Variants in GLCCI1 observed in about 807,000 individuals in gnomAD.
GLCCI1 encodes glucocorticoid induced 1.
In GLCCI1, 24 loss-of-function variants were observed where a neutral mutation model predicts 52.2. The ratio of observed to expected loss-of-function variants is 0.46; its 90% confidence interval spans 0.33 to 0.65. The LOEUF (loss-of-function observed/expected upper bound fraction) is 0.65, where lower values mean the gene tolerates loss of function less well. Ranked by LOEUF, GLCCI1 falls within the 30% of genes least tolerant of loss-of-function variation. The probability of loss-of-function intolerance (pLI) is 0.02; values close to 1 mark genes in which losing one functional copy is unlikely to be tolerated. For missense variants in GLCCI1, 704 were observed against 701.5 expected (o/e 1.00, Z -0.04); for synonymous variants, 310 against 276.5 (o/e 1.12, Z -1.20).
intron 6 of GLCCI1, among the ~76,000 whole-genome samples, chr7:8,083,471 C>G (rs1783039425): frequency 1.3e-5 from 2 of 152,158 alleles, no homozygotes; most frequent in South Asian, 2.1e-4. Context: ...GCTAATTATG[C>G]TTTGTATCAA....
At chr7:7,970,195 G>T (rs942837425) in intron 1 of GLCCI1, among the ~76,000 whole-genome samples, 2 of 152,172 alleles carry the variant, frequency 1.3e-5, no homozygotes, top group African/African-American at 4.8e-5. Context: ...GTCTCTTTGT[G>T]CTTTTCTGCA....
At chr7:7,988,433 G>A (rs1049411156) in intron 1 of GLCCI1, among the ~76,000 whole-genome samples, 1 of 152,094 alleles carries the variant, frequency 6.6e-6, no homozygotes. Context: ...ATCCTTTAAG[G>A]AAAACAGTGC....
intron 1 of GLCCI1, among the ~76,000 whole-genome samples, chr7:7,975,868 G>C (rs921776073): frequency 1.3e-5 from 2 of 152,156 alleles, no homozygotes; most frequent in Admixed American, 6.5e-5. Context: ...GGGCTTTCTT[G>C]TGTGTATTCA....
chr7:8,025,656 A>G (rs1781602932), intron 3 of GLCCI1, among the ~76,000 whole-genome samples: 1 of 152,216 alleles, frequency 6.6e-6, no homozygotes. Flanking sequence ...CAATCTACAG[A>G]TTCATGAAGC....
intron 2 of GLCCI1, among the ~76,000 whole-genome samples, chr7:8,021,726 C>G (rs755395292): frequency 6.6e-6 from 1 of 152,168 alleles, no homozygotes; most frequent in South Asian, 2.1e-4. Context: ...TTTAATACAA[C>G]TATTAAATGG....
intron 3 of GLCCI1, among the ~76,000 whole-genome samples, chr7:8,041,812 G>A (rs769023760): frequency 6.6e-6 from 1 of 151,816 alleles, no homozygotes; most frequent in Non-Finnish European, 1.5e-5. Flanking sequence ...GACTGGTCTC[G>A]AACTCCTGGG....
intron 3 of GLCCI1, among the ~76,000 whole-genome samples, chr7:8,050,253 G>A (rs1219850773): frequency 1.3e-5 from 2 of 152,124 alleles, no homozygotes; most frequent in African/African-American, 4.8e-5. Context: ...CTTTGTGCAT[G>A]TTTGTGTGCA....
At chr7:8,056,855 T>C (rs1397550117) in intron 4 of GLCCI1, among the ~76,000 whole-genome samples, 1 of 152,226 alleles carries the variant, frequency 6.6e-6, no homozygotes, top group East Asian at 1.9e-4. Context: ...AGTAGCATAA[T>C]TGTTAAAAAG....
At chr7:8,002,665 C>T (rs968206686) in intron 1 of GLCCI1, among the ~76,000 whole-genome samples, 1 of 152,160 alleles carries the variant, frequency 6.6e-6, no homozygotes, top group Admixed American at 6.5e-5. Context: ...TGTTTCTTCA[C>T]CCCCTGTAAA....
chr7:7,999,929 C>T (rs1272812822), intron 1 of GLCCI1, among the ~76,000 whole-genome samples: 2 of 151,990 alleles, frequency 1.3e-5, no homozygotes, highest in Non-Finnish European at 2.9e-5. Flanking sequence ...ATAAACACCA[C>T]CCCTTCAAAA....
At chr7:8,034,578 A>G (rs910234245) in intron 3 of GLCCI1, among the ~76,000 whole-genome samples, 1 of 152,226 alleles carries the variant, frequency 6.6e-6, no homozygotes, top group Non-Finnish European at 1.5e-5. Flanking sequence ...TCATCAGAGA[A>G]GAGGATGGCT....
At position 8,044,591 on chromosome 7, in the gene GLCCI1, A is replaced by G. The variant is rs79842888; in HGVS notation, c.697-10842A>G. 3.2e-3 allele frequency among the ~76,000 whole-genome samples: 482 copies of G among 152,126 alleles called. 4 individuals are homozygous for G. The highest frequency in any genetic ancestry group is 0.011 in the African/African-American group (440 of 41,498). Reference sequence around the variant, plus strand: ...TCGGCATGTTGCCCAGGCTGGTCTCAATCTCCTGGGCTCAAGCAATCATCC... The same window carrying G: ...TCGGCATGTTGCCCAGGCTGGTCTCGATCTCCTGGGCTCAAGCAATCATCC... On this transcript the variant is annotated intron_variant, in intron 3 of 7. Coordinates refer to ENST00000223145, the MANE Select transcript of GLCCI1 (RefSeq NM_138426.4).
chr7:7,986,116 G>C (rs532809422), intron 1 of GLCCI1, among the ~76,000 whole-genome samples: 1 of 152,196 alleles, frequency 6.6e-6, no homozygotes, highest in Non-Finnish European at 1.5e-5. Context: ...GTTACTGTCT[G>C]TATAAAAAGT....
At chr7:7,971,989 A>G (rs1780363076) in intron 1 of GLCCI1, among the ~76,000 whole-genome samples, 1 of 152,048 alleles carries the variant, frequency 6.6e-6, no homozygotes, top group Non-Finnish European at 1.5e-5. Flanking sequence ...CAGTTCCGTG[A>G]TTATATTACT....
At chr7:8,001,913 AG>A (rs1405935414) in intron 1 of GLCCI1, among the ~76,000 whole-genome samples, 1 of 152,162 alleles carries the variant, frequency 6.6e-6, no homozygotes, top group Non-Finnish European at 1.5e-5. Context: ...ACTTGGACAC[AG>A]GAAGGGGAAC....
chr7:8,080,132 G>C (rs1782965672), intron 6 of GLCCI1, among the ~76,000 whole-genome samples: 2 of 151,532 alleles, frequency 1.3e-5, no homozygotes. Flanking sequence ...TCATTGCCAA[G>C]AAATGATACA....
At position 8,070,959 on chromosome 7, in the gene GLCCI1, T is replaced by C. The variant is rs762969784; in HGVS notation, c.1005T>C (p.Pro335=). The C allele has an allele frequency of 1.9e-6, 3 of 1,614,236 alleles. No homozygotes were observed. The South Asian group carries it at 3.3e-5, about 18-fold the overall frequency. The change falls in exon 6 of 8, where the codon CCT becomes CCC. Residue 335 remains proline, a synonymous_variant. Coordinates refer to ENST00000223145, the MANE Select transcript of GLCCI1 (RefSeq NM_138426.4). ...DIPDGRRAPL[P]AHYRSSSTRS... is the part of the protein sequence containing the mutation. ...CAGATGGTCGAAGAGCTCCACTTCC[T>C]GCTCATTACCGGAGCAGTAGTACTC...
chr7:8,040,404 T>G (rs1441867371), intron 3 of GLCCI1, among the ~76,000 whole-genome samples: 1 of 151,758 alleles, frequency 6.6e-6, no homozygotes, highest in African/African-American at 2.4e-5. Context: ...GTGGATTGCT[T>G]AAGTCCAGGA....
intron 6 of GLCCI1, among the ~76,000 whole-genome samples, chr7:8,084,239 A>C (rs1460627433): frequency 1.3e-5 from 2 of 152,168 alleles, no homozygotes; most frequent in Non-Finnish European, 1.5e-5. Context: ...AAATATGAGG[A>C]AAACGTGTTA....
Sources: allele counts gnomAD v4.1 joint callset (sites outside exome capture counted in the v4.1 genomes callset), GRCh38; gene constraint gnomAD v4.1.1; transcripts MANE v1.5; gene names NCBI Gene and HGNC (gene_info 2026-07-23, HGNC 2026-07-21).